The following TUSC3 variants were observed in gnomAD, a reference collection of about 807,000 sequenced individuals.
TUSC3 encodes tumor suppressor candidate 3.
In TUSC3, 45 loss-of-function variants were observed where a neutral mutation model predicts 44.8. The observed-to-expected ratio is 1.00, with a 90% CI of 0.79 to 1.29. The LOEUF (loss-of-function observed/expected upper bound fraction) is 1.29. Among genes scored for constraint, TUSC3 ranks in the 50% most tolerant of loss-of-function variants. TUSC3 has a pLI of 0.00. For missense variants in TUSC3, 519 were observed against 437.9 expected (o/e 1.19, Z -1.65); for synonymous variants, 212 against 152.9 (o/e 1.39, Z -2.85).
chr8:15,533,512 A>G (rs1801478799), intron 2 of TUSC3, among the ~76,000 whole-genome samples: 1 of 152,220 alleles, frequency 6.6e-6, no homozygotes, highest in Admixed American at 6.5e-5. Context: ...TTTAGGGTAA[A>G]GATCTTAAGG....
chr8:15,743,684 C>T, intron 8 of TUSC3, 72 bp downstream of exon 8: 2 of 1,488,184 alleles, frequency 1.3e-6, no homozygotes, highest in South Asian at 1.1e-5. Flanking sequence ...ATGGGAAATA[C>T]ATAAAAGCCC....
chr8:15,718,879 A>C (rs1442431466), intron 6 of TUSC3, among the ~76,000 whole-genome samples: 3 of 152,088 alleles, frequency 2.0e-5, no homozygotes, highest in Admixed American at 6.6e-5. Context: ...TGCCTTTTGT[A>C]TAAAAACACA....
chr8:15,679,764 G>A (rs1434522282), intron 6 of TUSC3, among the ~76,000 whole-genome samples: 3 of 152,012 alleles, frequency 2.0e-5, no homozygotes, highest in Non-Finnish European at 4.4e-5. Flanking sequence ...AGTTAATTTT[G>A]TATATATGGA....
chr8:15,831,910 C>A, the TUSC3 span, among the ~76,000 whole-genome samples: 2 of 152,130 alleles, frequency 1.3e-5, no homozygotes, highest in African/African-American at 4.8e-5. Flanking sequence ...CCTAGCTAGA[C>A]AGGCCAACAT....
At position 15,688,993 on chromosome 8, in the gene TUSC3, G is replaced by T. The variant is rs1019300149; in HGVS notation, c.798+15157G>T. 4.7e-5 allele frequency: 12 copies of T among 252,682 alleles called. No individual in the cohort carries two copies. In the Admixed American group the frequency reaches 5.3e-4, roughly 11 times the overall value. 15.7% of individuals were successfully genotyped at this position (252,682 alleles called of 1,614,324 possible). ...CTCTTTGCCCTGCTTGCTGACTTGG[G>T]GTTACAGTCAAACAACCGGGCCACC... is the stretch of plus-strand genomic sequence containing the variant. On this transcript the variant is annotated intron_variant, in intron 6 of 10. Transcript: ENST00000503731.
downstream of TUSC3, among the ~76,000 whole-genome samples, chr8:15,769,280 C>A (rs533493710): frequency 3.9e-5 from 6 of 152,196 alleles, no homozygotes; most frequent in South Asian, 1.0e-3. Context: ...TAATACCACA[C>A]GTCTACAACC....
At chr8:15,648,397 A>T (rs917629009) in intron 2 of TUSC3, among the ~76,000 whole-genome samples, 2 of 152,018 alleles carry the variant, frequency 1.3e-5, no homozygotes, top group Admixed American at 6.6e-5. Flanking sequence ...ACGCGGGCAG[A>T]CTCTGAGGGT....
upstream of TUSC3, among the ~76,000 whole-genome samples, chr8:15,537,473 C>T (rs1474840770): frequency 6.6e-6 from 1 of 152,176 alleles, no homozygotes; most frequent in Non-Finnish European, 1.5e-5. Flanking sequence ...GTGTCACTGG[C>T]CAAGGTCACT....
At chr8:15,836,530 T>C in the TUSC3 span, among the ~76,000 whole-genome samples, 1 of 151,830 alleles carries the variant, frequency 6.6e-6, no homozygotes, top group African/African-American at 2.4e-5. Flanking sequence ...ATAAAATACA[T>C]GGTTCTCTGT....
chr8:15,602,008 A>G (rs1804308296), intron 1 of TUSC3, among the ~76,000 whole-genome samples: 1 of 151,594 alleles, frequency 6.6e-6, no homozygotes, highest in African/African-American at 2.4e-5. Context: ...CCTGATCTAA[A>G]AATACGATGT....
chr8:15,639,800 C>A (rs1230077756), intron 2 of TUSC3, among the ~76,000 whole-genome samples: 1 of 121,526 alleles, frequency 8.2e-6, no homozygotes, highest in Non-Finnish European at 1.7e-5. Context: ...TTTTTTTGGA[C>A]CCATGAGGAT....
the TUSC3 span, among the ~76,000 whole-genome samples, chr8:15,805,802 G>C: frequency 2.0e-5 from 3 of 152,050 alleles, no homozygotes. Flanking sequence ...TGAGGTTTTT[G>C]TTTCAGGGTG....
At chr8:15,489,368 T>A (rs925948621) in intron 2 of TUSC3, among the ~76,000 whole-genome samples, 1 of 152,174 alleles carries the variant, frequency 6.6e-6, no homozygotes, top group African/African-American at 2.4e-5. Context: ...GTTCTTATTA[T>A]GCAGATGAAG....
intron 1 of TUSC3, among the ~76,000 whole-genome samples, chr8:15,421,623 A>G (rs1445344220): frequency 1.3e-5 from 2 of 152,170 alleles, no homozygotes. Context: ...TGAAAGCCCC[A>G]AACAGAAGGG....
chr8:15,510,012 A>T (rs1801110849), intron 2 of TUSC3, among the ~76,000 whole-genome samples: 1 of 152,158 alleles, frequency 6.6e-6, no homozygotes, highest in African/African-American at 2.4e-5. Flanking sequence ...TCTACAAAAA[A>T]TAAAAAGAAA....
At chr8:15,517,522 CAAAAAAAAAA>C (rs71211049) in intron 2 of TUSC3, among the ~76,000 whole-genome samples, 8 of 77,570 alleles carry the variant, frequency 1.0e-4, no homozygotes, top group Admixed American at 6.4e-4. Context: ...TAGCGTGAGG[CAAAAAAAAAA>C]AAAAAAAAAA....
chr8:15,477,419 T>A (rs1359340640), intron 1 of TUSC3, among the ~76,000 whole-genome samples: 1 of 152,138 alleles, frequency 6.6e-6, no homozygotes, highest in Non-Finnish European at 1.5e-5. Context: ...CTTTTCACAT[T>A]GTACAGGTAT....
chr8:15,809,244 C>T, the TUSC3 span, among the ~76,000 whole-genome samples: 1 of 152,154 alleles, frequency 6.6e-6, no homozygotes, highest in South Asian at 2.1e-4. Context: ...TTGGGAACTT[C>T]TTTTCCCTGG....
intron 10 of TUSC3, among the ~76,000 whole-genome samples, chr8:15,763,614 AT>A (rs953612969): frequency 6.6e-6 from 1 of 151,988 alleles, no homozygotes; most frequent in African/African-American, 2.4e-5. Context: ...ACAAAATTAA[AT>A]TTTGTTTCAT....
Sources: gnomAD v4.1 joint callset for allele counts (sites outside exome capture counted in the v4.1 genomes callset) on GRCh38, gnomAD v4.1.1 for gene constraint, MANE v1.5 for transcripts, NCBI Gene and HGNC (gene_info 2026-07-23, HGNC 2026-07-21) for gene names.